The following KAT2B variants were observed in gnomAD, a reference collection of about 807,000 sequenced individuals.
The protein encoded by KAT2B is histone acetyltransferase KAT2B.
KAT2B carries 36 observed loss-of-function variants against 105.9 expected under a neutral mutation model. The ratio of observed to expected loss-of-function variants is 0.34; its 90% CI spans 0.26 to 0.45. The LOEUF is 0.45. KAT2B is among the 20% of genes least tolerant of loss of function. The pLI is 1.00. For missense variants in KAT2B, 820 were observed against 1,021.6 expected (o/e 0.80, Z 2.69); for synonymous variants, 397 against 377.9 (o/e 1.05, Z -0.59).
intron 1 of KAT2B, among the ~76,000 whole-genome samples, chr3:20,059,031 A>G (rs912415551): frequency 6.6e-6 from 1 of 152,204 alleles, no homozygotes; most frequent in Non-Finnish European, 1.5e-5. Flanking sequence ...TTACATCAGC[A>G]TAATTCAAAC....
chr3:20,070,547 G>A (rs111447124), intron 1 of KAT2B, among the ~76,000 whole-genome samples: 34,766 of 149,320 alleles, frequency 0.23, 5,557 homozygotes, highest in African/African-American at 0.43. Flanking sequence ...CTCGTGATCC[G>A]CCCACCTCGG....
intron 15 of KAT2B, 95 bp downstream of exon 15, chr3:20,148,094 T>G (rs1182339877): frequency 1.3e-5 from 18 of 1,380,490 alleles, no homozygotes; most frequent in Non-Finnish European, 1.8e-5. Context: ...TTGTAATCAC[T>G]AACACAACAG....
chr3:20,101,449 TACAAAGAGAACTAC>T lies in KAT2B; in HGVS notation c.837_850del (p.Glu280ValfsTer49). 1 of 1,614,018 alleles carries T rather than the reference TACAAAGAGAACTAC, an allele frequency of 6.2e-7. No individual in the cohort carries two copies. Among genetic ancestry groups the T allele is most frequent in the Non-Finnish European group, 8.5e-7 (1 of 1,179,924 alleles). ...ATCTCCCAATGATGATATTTCTGGA[TACAAAGAGAACTAC>T]ACAAGGTAATCAGATGCAAGTTCTT... On this transcript the variant is annotated frameshift_variant, in exon 5 of 18. Coordinates refer to ENST00000263754, the MANE Select transcript of KAT2B (RefSeq NM_003884.5). LOFTEE classifies it high-confidence loss of function.
At chr3:20,062,430 A>T (rs189110619) in intron 1 of KAT2B, among the ~76,000 whole-genome samples, 15 of 95,428 alleles carry the variant, frequency 1.6e-4, no homozygotes, top group Middle Eastern at 3.8e-3. Flanking sequence ...ATTATATATA[A>T]TATATAATAT....
chr3:20,074,881 A>G lies in KAT2B; in HGVS notation c.430+2422A>G, dbSNP rs1246574095. 6.6e-5 allele frequency among the ~76,000 whole-genome samples: 10 copies of G among 152,212 alleles called. No homozygotes were observed. The South Asian group carries it at 2.1e-3, about 32-fold the overall frequency. ...TCTGAAGTTTACCCCAAGGGAACTA[A>G]GAAGTTGGTCCTTTCCCAAATACAG... On this transcript the variant is annotated intron_variant, in intron 2 of 17. Transcript: ENST00000263754.
intron 1 of KAT2B, among the ~76,000 whole-genome samples, chr3:20,061,079 A>T (rs1698091967): frequency 6.6e-6 from 1 of 152,320 alleles, no homozygotes; most frequent in Non-Finnish European, 1.5e-5. Flanking sequence ...ACCACCATTC[A>T]TCCACAGAAC....
rs540679395 is a variant in KAT2B at position 20,115,732 on chromosome 3, C to A, written c.1150+744C>A. ...CTGCCATCAAAATATAGAACAGTGG[C>A]CTCCTTCCAGACAGATTGCCTTGTA... On this transcript the variant is annotated intron_variant, in intron 7 of 17. Coordinates refer to ENST00000263754, the MANE Select transcript of KAT2B (RefSeq NM_003884.5). Among the ~76,000 whole-genome samples the A allele has an allele frequency of 3.0e-4, 45 of 152,236 alleles. 1 individual carries two copies. The South Asian group carries it at 8.5e-3, about 29-fold the overall frequency.
chr3:20,058,490 C>G (rs1327972277), intron 1 of KAT2B, among the ~76,000 whole-genome samples: 2 of 145,646 alleles, frequency 1.4e-5, no homozygotes, highest in South Asian at 4.4e-4. Context: ...TTCAGAGATG[C>G]TTCTGATAGT....
intron 2 of KAT2B, among the ~76,000 whole-genome samples, chr3:20,078,068 G>A (rs550302444): frequency 1.3e-5 from 2 of 152,046 alleles, no homozygotes; most frequent in African/African-American, 2.4e-5. Context: ...CCAGCTACTC[G>A]GGAGACTAAG....
At chr3:20,081,576 C>T (rs1698519517) in intron 2 of KAT2B, among the ~76,000 whole-genome samples, 1 of 152,100 alleles carries the variant, frequency 6.6e-6, no homozygotes, top group Admixed American at 6.6e-5. Context: ...ACAAAGTGGA[C>T]ACTGGGGGAA....
At chr3:20,062,265 T>A (rs372005932) in intron 1 of KAT2B, among the ~76,000 whole-genome samples, 1 of 48,006 alleles carries the variant, frequency 2.1e-5, no homozygotes, top group African/African-American at 6.1e-5. Context: ...ATATGATATA[T>A]AATATATAAT....
intron 1 of KAT2B, among the ~76,000 whole-genome samples, chr3:20,065,000 T>C (rs1428588767): frequency 6.6e-6 from 1 of 152,196 alleles, no homozygotes; most frequent in Non-Finnish European, 1.5e-5. Flanking sequence ...CTCCACCCCT[T>C]GTCTGTCTGT....
intron 13 of KAT2B, among the ~76,000 whole-genome samples, chr3:20,140,683 C>T (rs567025414): frequency 2.0e-5 from 3 of 151,894 alleles, no homozygotes; most frequent in African/African-American, 7.3e-5. Context: ...GTGGAGACAG[C>T]GTTTCACCAT....
intron 1 of KAT2B, among the ~76,000 whole-genome samples, chr3:20,059,431 A>G (rs1489079890): frequency 6.6e-6 from 1 of 150,484 alleles, no homozygotes; most frequent in East Asian, 1.9e-4. Context: ...AAAAAAAAAA[A>G]AAAAGGCCAG....
chr3:20,067,552 T>A (rs990042677), intron 1 of KAT2B, among the ~76,000 whole-genome samples: 2 of 152,248 alleles, frequency 1.3e-5, no homozygotes, highest in African/African-American at 4.8e-5. Flanking sequence ...CTGTGTTGTC[T>A]TCTCCAAGAA....
At chr3:20,129,964 T>G (rs1407666261) in intron 11 of KAT2B, among the ~76,000 whole-genome samples, 1 of 150,108 alleles carries the variant, frequency 6.7e-6, no homozygotes, top group African/African-American at 2.4e-5. Context: ...CAGTACCCAT[T>G]TTTTAAAATT....
chr3:20,146,357 A>G lies in KAT2B; in HGVS notation c.2046A>G (p.Arg682=). ...TTGAAAGAAAACAGGCACAAATTCG[A>G]AAAGTTTACCCTGGACTTTCATGTT... is the stretch of plus-strand genomic sequence containing the variant. ...KLIERKQAQI[R]KVYPGLSCFK... Residue 682 remains arginine, a synonymous_variant, in exon 14 of 18, where the codon CGA becomes CGG. Coordinates refer to ENST00000263754, the MANE Select transcript of KAT2B (RefSeq NM_003884.5). 6.2e-7 allele frequency: 1 copy of G among 1,613,320 alleles called. No individual in the cohort carries two copies.
At chr3:20,068,695 C>A (rs1559517080) in intron 1 of KAT2B, among the ~76,000 whole-genome samples, 1 of 152,140 alleles carries the variant, frequency 6.6e-6, no homozygotes, top group Non-Finnish European at 1.5e-5. Context: ...ATGTAGTAGG[C>A]CTCAATAAAT....
At chr3:20,111,903 GGAT>G (rs1699128391) in intron 6 of KAT2B, 116 bp downstream of exon 6, 1 of 799,988 alleles carries the variant, frequency 1.3e-6, no homozygotes, top group East Asian at 2.8e-5. Flanking sequence ...CATTCCAAGG[GGAT>G]GGGAGAAAAG....
Sources: gnomAD v4.1 joint callset for allele counts (sites outside exome capture counted in the v4.1 genomes callset) on GRCh38, gnomAD v4.1.1 for gene constraint, MANE v1.5 for transcripts, NCBI Gene and HGNC (gene_info 2026-07-23, HGNC 2026-07-21) for gene names.